Variants in KDM4B observed in about 807,000 individuals in gnomAD.
KDM4B encodes the protein lysine-specific demethylase 4B.
In KDM4B, 32 loss-of-function variants were observed where a neutral mutation model predicts 125.2. That is an observed-to-expected ratio of 0.26 (90% CI 0.19 to 0.34). KDM4B has a LOEUF of 0.34. Ranked by LOEUF, KDM4B falls within the 10% of genes least tolerant of loss-of-function variation. KDM4B has a pLI of 1.00. For missense variants in KDM4B, 1,190 were observed against 1,577.7 expected (o/e 0.75, Z 4.16); for synonymous variants, 721 against 677.9 (o/e 1.06, Z -0.99).
intron 9 of KDM4B, among the ~76,000 whole-genome samples, chr19:5,098,499 C>A (rs1415934386): frequency 6.6e-6 from 1 of 152,106 alleles, no homozygotes. Flanking sequence ...CCCTGACTTG[C>A]CCAGCCTGTG....
chr19:5,112,090 A>G (rs985229008), intron 10 of KDM4B: 6 of 422,054 alleles, frequency 1.4e-5, no homozygotes, highest in Non-Finnish European at 2.6e-5. Context: ...CCATCTCTAC[A>G]AAAAATTTAA....
chr19:4,986,639 C>G (rs2034841591), intron 1 of KDM4B, among the ~76,000 whole-genome samples: 1 of 152,186 alleles, frequency 6.6e-6, no homozygotes, highest in South Asian at 2.1e-4. Flanking sequence ...GGATTAGGGC[C>G]CTCGAGGGGC....
chr19:4,981,196 G>C (rs1275108529), intron 1 of KDM4B, among the ~76,000 whole-genome samples: 1 of 152,160 alleles, frequency 6.6e-6, no homozygotes, highest in Non-Finnish European at 1.5e-5. Context: ...CCATGGGGCA[G>C]CGTGGCCCCA....
rs545904714 is a variant in KDM4B at position 5,085,232 on chromosome 19, T to A, written c.918+2728T>A. 2.6e-5 allele frequency among the ~76,000 whole-genome samples: 4 copies of A among 152,332 alleles called. No homozygotes were observed. In the East Asian group the frequency reaches 7.7e-4, roughly 29 times the overall value. ...TTCAGAAAGTCTCGAATGTCTCTAG[T>A]GAAGACTCTGGGCTTAGCTAAAGGA... On this transcript the variant is annotated intron_variant, in intron 9 of 22. Transcript: ENST00000159111.
intron 6 of KDM4B, among the ~76,000 whole-genome samples, chr19:5,059,073 C>T (rs983799190): frequency 2.0e-5 from 3 of 152,202 alleles, no homozygotes; most frequent in African/African-American, 7.2e-5. Flanking sequence ...TGGCCCTGAC[C>T]CAGAGTCGCC....
intron 21 of KDM4B, among the ~76,000 whole-genome samples, chr19:5,145,474 G>A (rs2039825293): frequency 6.6e-6 from 1 of 151,962 alleles, no homozygotes; most frequent in African/African-American, 2.4e-5. Flanking sequence ...CCAGCTGCTC[G>A]GGAGGCTGAG....
intron 22 of KDM4B, 133 bp downstream of exon 22, chr19:5,150,583 C>T (rs546614029): frequency 5.7e-5 from 37 of 649,060 alleles, no homozygotes; most frequent in African/African-American, 2.5e-4. Context: ...AAGGGGGTCC[C>T]GGCCGCCCCA....
chr19:5,113,571 G>C (rs2039194532), intron 10 of KDM4B, among the ~76,000 whole-genome samples: 2 of 152,124 alleles, frequency 1.3e-5, no homozygotes, highest in Admixed American at 1.3e-4. Flanking sequence ...AGGCTGGATC[G>C]GGAGACACAG....
In KDM4B at chr19:4,998,986, G is replaced by A. The variant is rs530051908; in HGVS notation, c.-108-17271G>A. Among the ~76,000 whole-genome samples, 13 of 152,284 alleles carry A rather than the reference G, an allele frequency of 8.5e-5. 1 individual carries two copies. In the South Asian group the frequency reaches 2.7e-3, roughly 32 times the overall value. On this transcript the variant is annotated intron_variant, in intron 1 of 22. Coordinates refer to ENST00000159111, the MANE Select transcript of KDM4B (RefSeq NM_015015.3). Reference sequence around the variant, plus strand: ...AACCTTGATCCTTTGGTTAAGGTGGGCCCGCCAGGTTTCCCCACCCTAACA... The same window carrying A: ...AACCTTGATCCTTTGGTTAAGGTGGACCCGCCAGGTTTCCCCACCCTAACA...
intron 6 of KDM4B, among the ~76,000 whole-genome samples, chr19:5,065,173 C>T (rs568366653): frequency 6.6e-6 from 1 of 152,328 alleles, no homozygotes; most frequent in Non-Finnish European, 1.5e-5. Context: ...TTTGCAGAGA[C>T]CAGTGGGGGC....
intron 9 of KDM4B, among the ~76,000 whole-genome samples, chr19:5,107,037 G>A (rs961817528): frequency 2.0e-5 from 3 of 152,198 alleles, no homozygotes; most frequent in African/African-American, 4.8e-5. Flanking sequence ...TTCATGCTCC[G>A]CGTTCCTCAC....
intron 2 of KDM4B, among the ~76,000 whole-genome samples, chr19:5,030,071 A>C (rs1244857257): frequency 6.6e-6 from 1 of 152,182 alleles, no homozygotes; most frequent in Admixed American, 6.5e-5. Context: ...GAGCCCCCGC[A>C]ACCCCACGAG....
At chr19:5,135,703 C>A in intron 15 of KDM4B, 142 bp downstream of exon 15, 2 of 687,952 alleles carry the variant, frequency 2.9e-6, no homozygotes, top group Non-Finnish European at 2.4e-6. Flanking sequence ...AGGGCAGGGG[C>A]CTCCCCCGGT....
intron 7 of KDM4B, chr19:5,075,607 C>G (rs1240523327): frequency 6.6e-6 from 1 of 152,230 alleles, no homozygotes; most frequent in East Asian, 1.9e-4. Context: ...GCCACCGCGC[C>G]CAGCCTGGCT....
chr19:5,031,406 G>A (rs986356350), intron 2 of KDM4B, among the ~76,000 whole-genome samples: 4 of 152,238 alleles, frequency 2.6e-5, no homozygotes, highest in Admixed American at 1.3e-4. Context: ...TGCCGTGCAC[G>A]GTGCACTTGG....
At chr19:5,060,071 C>T (rs1445285496) in intron 6 of KDM4B, among the ~76,000 whole-genome samples, 4 of 152,294 alleles carry the variant, frequency 2.6e-5, no homozygotes, top group South Asian at 2.1e-4. Context: ...TCCTTGGGCC[C>T]GTGTTGAGGC....
intron 2 of KDM4B, among the ~76,000 whole-genome samples, chr19:5,030,443 C>A (rs2036415079): frequency 6.6e-6 from 1 of 152,200 alleles, no homozygotes; most frequent in Non-Finnish European, 1.5e-5. Context: ...GCTTTGATGA[C>A]CTGGAGGTCA....
chr19:5,136,287 A>C (rs1208878386), intron 15 of KDM4B, among the ~76,000 whole-genome samples: 1 of 152,208 alleles, frequency 6.6e-6, no homozygotes, highest in East Asian at 1.9e-4. Flanking sequence ...ACCCCTCCCC[A>C]GTCCTGAGGC....
chr19:5,129,460 A>G (rs965162726), intron 11 of KDM4B, among the ~76,000 whole-genome samples: 4 of 152,208 alleles, frequency 2.6e-5, no homozygotes, highest in South Asian at 2.1e-4. Flanking sequence ...TTTTATAGCA[A>G]GTGGTGAGAT....
Sources: allele counts gnomAD v4.1 joint callset (sites outside exome capture counted in the v4.1 genomes callset), GRCh38; gene constraint gnomAD v4.1.1; transcripts MANE v1.5; gene names NCBI Gene and HGNC (gene_info 2026-07-23, HGNC 2026-07-21).